Variants in HMGN5 observed in about 807,000 individuals in gnomAD.
The protein encoded by HMGN5 is high mobility group nucleosome-binding domain-containing protein 5.
Under a neutral mutation model 9.5 loss-of-function variants are expected in HMGN5, and 4 were observed. The ratio of observed to expected loss-of-function variants is 0.42; its 90% CI spans 0.21 to 0.96. The LOEUF is 0.96. HMGN5 is among the 40% of genes least tolerant of loss of function. The pLI is 0.30. For missense variants in HMGN5, 192 were observed against 187.5 expected, an observed-to-expected ratio of 1.02 and a Z score of -0.14; for synonymous variants, 55 against 57.1, an observed-to-expected ratio of 0.96 and a Z score of 0.16.
In HMGN5 at chrX:81,199,033, C is replaced by T. The variant is rs779309357; in HGVS notation, c.-124+2704G>A. On this transcript the variant is annotated intron_variant, in intron 1 of 6. Transcript: ENST00000358130. ...CTGATAAGCAACTTCAGCAAAGTCT[C>T]AGGGTACAAAATCAATGTGCAAAGA... Among the ~76,000 whole-genome samples, 12 of 112,048 alleles carry T rather than the reference C, an allele frequency of 1.1e-4. No homozygotes were observed. The South Asian group carries it at 4.4e-3, about 41-fold the overall frequency.
chrX:81,192,450 A>G (rs765076424), intron 1 of HMGN5, among the ~76,000 whole-genome samples: 22 of 111,777 alleles, frequency 2.0e-4, no homozygotes, highest in Admixed American at 4.8e-4. Flanking sequence ...TTATTTATAT[A>G]TACAATTTTA....
At chrX:81,172,117 A>T (rs1157767447) in intron 1 of HMGN5, among the ~76,000 whole-genome samples, 1 of 110,952 alleles carries the variant, frequency 9.0e-6, no homozygotes, top group Non-Finnish European at 1.9e-5. Context: ...CTGTAAATCC[A>T]TTTTCAAAGA....
intron 1 of HMGN5, among the ~76,000 whole-genome samples, chrX:81,150,897 T>C (rs1452975218): frequency 9.0e-6 from 1 of 111,164 alleles, no homozygotes; most frequent in Admixed American, 9.6e-5. Flanking sequence ...CCTAGACAAA[T>C]ACAACCTACA....
chrX:81,180,798 C>A (rs1050075265), intron 1 of HMGN5, among the ~76,000 whole-genome samples: 1 of 111,751 alleles, frequency 8.9e-6, no homozygotes, highest in African/African-American at 3.3e-5. Flanking sequence ...TTGGAACTAA[C>A]CCTAATGTCC....
chrX:81,179,203 G>C (rs766153184), intron 1 of HMGN5, among the ~76,000 whole-genome samples: 72 of 111,601 alleles, frequency 6.5e-4, no homozygotes, highest in Non-Finnish European at 1.3e-3. Flanking sequence ...TCTGGACAGG[G>C]CAATCAGGCA....
At chrX:81,166,579 A>G (rs2075411900) in intron 1 of HMGN5, among the ~76,000 whole-genome samples, 1 of 111,482 alleles carries the variant, frequency 9.0e-6, no homozygotes, top group African/African-American at 3.3e-5. Context: ...GTGGAAAACA[A>G]AAGTTTCTGC....
intron 1 of HMGN5, among the ~76,000 whole-genome samples, chrX:81,190,783 T>G (rs1237088141): frequency 9.0e-6 from 1 of 111,635 alleles, no homozygotes; most frequent in Non-Finnish European, 1.9e-5. Context: ...GACTCATTTT[T>G]TTTTACATGC....
chrX:81,200,122 AAT>A (rs1288638509), intron 1 of HMGN5, among the ~76,000 whole-genome samples: 1 of 112,832 alleles, frequency 8.9e-6, no homozygotes, highest in African/African-American at 3.2e-5. Context: ...CATATGCAAA[AAT>A]GCTCATCATC....
At chrX:81,180,105 A>G (rs763528755) in intron 1 of HMGN5, among the ~76,000 whole-genome samples, 2 of 112,059 alleles carry the variant, frequency 1.8e-5, no homozygotes, top group Non-Finnish European at 3.8e-5. Context: ...AAACCCTAGA[A>G]GAAAACCTAG....
At chrX:81,174,921 T>C (rs2075437195) in intron 1 of HMGN5, among the ~76,000 whole-genome samples, 1 of 111,143 alleles carries the variant, frequency 9.0e-6, no homozygotes, top group Non-Finnish European at 1.9e-5. Context: ...CATTCACACA[T>C]GATACTCTTG....
At chrX:81,141,618 G>C (rs1280861046) in intron 1 of HMGN5, among the ~76,000 whole-genome samples, 2 of 111,799 alleles carry the variant, frequency 1.8e-5, no homozygotes, top group Non-Finnish European at 3.8e-5. Flanking sequence ...ACTTTTACTA[G>C]TTTTCAGGAA....
In HMGN5 at chrX:81,152,481, A is replaced by G. The variant is rs1305730646; in HGVS notation, c.-123-30809T>C. On this transcript the variant is annotated intron_variant, in intron 1 of 6. Transcript: ENST00000358130. ...CACCAGTTAGAATGGCAATCATTAA[A>G]AAGTCAGGAAACAACAGGTGCTGGA... Among the ~76,000 whole-genome samples the G allele has an allele frequency of 4.5e-5, 5 of 109,912 alleles. No individual in the cohort carries two copies. In the Admixed American group the frequency reaches 4.9e-4, roughly 11 times the overall value.
intron 1 of HMGN5, among the ~76,000 whole-genome samples, chrX:81,150,093 G>A (rs769151545): frequency 1.2e-4 from 13 of 111,939 alleles, no homozygotes; most frequent in Non-Finnish European, 1.9e-4. Flanking sequence ...TTCATTCATC[G>A]GCTGCAGAAT....
chrX:81,137,376 A>T (rs2075314233), intron 1 of HMGN5, among the ~76,000 whole-genome samples: 1 of 111,998 alleles, frequency 8.9e-6, no homozygotes, highest in Non-Finnish European at 1.9e-5. Context: ...TGATACAGAT[A>T]TGTTCTCTGA....
At chrX:81,134,416 T>C (rs1313212170) in intron 1 of HMGN5, among the ~76,000 whole-genome samples, 1 of 111,614 alleles carries the variant, frequency 9.0e-6, no homozygotes, top group Admixed American at 9.6e-5. Context: ...TAATAAGCTT[T>C]ATTGAGATAT....
chrX:81,156,221 C>T (rs2075382514), intron 1 of HMGN5, among the ~76,000 whole-genome samples: 1 of 112,075 alleles, frequency 8.9e-6, no homozygotes, highest in African/African-American at 3.2e-5. Context: ...TATCCTCCTG[C>T]AATATGTTTG....
intron 1 of HMGN5, among the ~76,000 whole-genome samples, chrX:81,142,470 G>T (rs1455013283): frequency 9.0e-6 from 1 of 111,433 alleles, no homozygotes; most frequent in Non-Finnish European, 1.9e-5. Context: ...GGCAGCAAGA[G>T]AAAATAAACA....
intron 1 of HMGN5, among the ~76,000 whole-genome samples, chrX:81,144,561 T>C (rs997574429): frequency 1.8e-5 from 2 of 111,141 alleles, no homozygotes; most frequent in African/African-American, 6.6e-5. Context: ...CACAAAAAGG[T>C]TGAAAATTTC....
intron 1 of HMGN5, among the ~76,000 whole-genome samples, chrX:81,126,012 G>A (rs1380242926): frequency 9.1e-6 from 1 of 109,475 alleles, no homozygotes; most frequent in Admixed American, 9.8e-5. Flanking sequence ...GCGGGGTGTG[G>A]TGGTGGATGC....
Sources: gnomAD v4.1 joint callset for allele counts (sites outside exome capture counted in the v4.1 genomes callset) on GRCh38, gnomAD v4.1.1 for gene constraint, MANE v1.5 for transcripts, NCBI Gene and HGNC (gene_info 2026-07-23, HGNC 2026-07-21) for gene names.